MMP17: variants seen among roughly 807,000 people sequenced by gnomAD.
The protein encoded by MMP17 is matrix metallopeptidase 17.
A neutral mutation model predicts 49.1 loss-of-function variants in MMP17; 54 were observed. The ratio of observed to expected loss-of-function variants is 1.10; its 90% CI spans 0.88 to 1.38. MMP17 has a LOEUF of 1.38. Ranked by LOEUF, MMP17 falls within the 40% of genes most tolerant of loss-of-function variation. MMP17 has a pLI of 0.00. For synonymous variants in MMP17, 397 were observed against 383.1 expected, an observed-to-expected ratio of 1.04 and a Z score of -0.42; for missense variants, 837 against 853.7, an observed-to-expected ratio of 0.98 and a Z score of 0.24.
chr12:131,837,779 C>T (rs1307900861), intron 1 of MMP17, among the ~76,000 whole-genome samples: 2 of 152,170 alleles, frequency 1.3e-5, no homozygotes, highest in African/African-American at 4.8e-5. Context: ...GGCACGATCT[C>T]GGCTCACTGC....
chr12:131,842,699 G>C (rs1031610373), intron 5 of MMP17, among the ~76,000 whole-genome samples: 1 of 151,864 alleles, frequency 6.6e-6, no homozygotes, highest in Admixed American at 6.5e-5. Context: ...CTTGAACCCG[G>C]GAGGCAGAGG....
At chr12:131,845,767 A>G (rs571488417) in intron 8 of MMP17, among the ~76,000 whole-genome samples, 3 of 152,240 alleles carry the variant, frequency 2.0e-5, no homozygotes, top group African/African-American at 7.2e-5. Flanking sequence ...AATGAAGGAC[A>G]ATGGGGAGAG....
chr12:131,837,616 G>A (rs559738638), intron 1 of MMP17, among the ~76,000 whole-genome samples: 15 of 152,352 alleles, frequency 9.8e-5, no homozygotes, highest in African/African-American at 3.4e-4. Context: ...AGCATTTTGC[G>A]GTCTCAGGAG....
At chr12:131,831,430 T>A (rs965837199) in intron 1 of MMP17, among the ~76,000 whole-genome samples, 1 of 152,018 alleles carries the variant, frequency 6.6e-6, no homozygotes, top group Non-Finnish European at 1.5e-5. Flanking sequence ...CCGCCCTCCA[T>A]GTCCTGGCTT....
At chr12:131,841,582 G>T in intron 4 of MMP17, 42 bp from the exon 5 acceptor site, 1 of 1,608,928 alleles carries the variant, frequency 6.2e-7, no homozygotes, top group Non-Finnish European at 8.5e-7. Flanking sequence ...CGGGGACAGG[G>T]CCCTTCTTGC....
intron 1 of MMP17, among the ~76,000 whole-genome samples, chr12:131,834,230 TG>T: frequency 6.6e-6 from 1 of 152,220 alleles, no homozygotes; most frequent in South Asian, 2.1e-4. Flanking sequence ...AGCCAGGGGG[TG>T]GCTGCCGTGG....
In MMP17 at chr12:131,840,721, A is replaced by G. The variant is rs1453951180; in HGVS notation, c.571A>G (p.Lys191Glu). 5 of 1,604,758 alleles carry G rather than the reference A, an allele frequency of 3.1e-6. No homozygotes were observed. In the African/African-American group the frequency reaches 5.3e-5, roughly 17 times the overall value. Reference sequence around the variant, plus strand: ...CGCCGACATCCAGATCGACTTCTCCAAGGCCGACCATAACGACGGCTACCC... The same window carrying G: ...CGCCGACATCCAGATCGACTTCTCCGAGGCCGACCATAACGACGGCTACCC... ...SAADIQIDFS[K>E]ADHNDGYPFD... Residue 191 changes from lysine to glutamate, a missense_variant, in exon 4 of 10, where the codon AAG (lysine) becomes GAG (glutamate). Coordinates refer to ENST00000360564, the MANE Select transcript of MMP17 (RefSeq NM_016155.7).
At chr12:131,830,675 C>G (rs1018667052) in intron 1 of MMP17, among the ~76,000 whole-genome samples, 9 of 152,240 alleles carry the variant, frequency 5.9e-5, no homozygotes, top group Non-Finnish European at 1.2e-4. Flanking sequence ...GGTCTGGGCG[C>G]CAGGGACGAG....
At chr12:131,845,486 G>T (rs1400273625) in intron 8 of MMP17, 37 bp downstream of exon 8, 1 of 1,530,978 alleles carries the variant, frequency 6.5e-7, no homozygotes, top group Admixed American at 1.9e-5. Context: ...GGGCTTCCCG[G>T]GCCCTCTGTC....
chr12:131,835,941 G>A lies in MMP17; in HGVS notation c.160-2254G>A, dbSNP rs1593224571. Among the ~76,000 whole-genome samples, 4 of 152,350 alleles carry A rather than the reference G, an allele frequency of 2.6e-5. No individual in the cohort carries two copies. In the South Asian group the frequency reaches 8.3e-4, roughly 32 times the overall value. ...ACCCTGCAGGTGCAAGGTAGTGTGG[G>A]ACCGGATGCTCGGGGCCAAAGATCC... is the stretch of plus-strand genomic sequence containing the variant. On this transcript the variant is annotated intron_variant, in intron 1 of 9. Transcript: ENST00000360564.
intron 1 of MMP17, among the ~76,000 whole-genome samples, chr12:131,829,346 C>A (rs1270989907): frequency 6.6e-6 from 1 of 152,208 alleles, no homozygotes; most frequent in African/African-American, 2.4e-5. Context: ...AGAAACCCTG[C>A]CTGGGGGCAG....
At chr12:131,834,337 C>CCTG (rs1480424542) in intron 1 of MMP17, among the ~76,000 whole-genome samples, 3 of 152,106 alleles carry the variant, frequency 2.0e-5, no homozygotes, top group East Asian at 1.9e-4. Context: ...GAAGGTTCAC[C>CCTG]CTGCTGCTGC....
intron 5 of MMP17, among the ~76,000 whole-genome samples, chr12:131,842,102 G>A (rs780319235): frequency 3.3e-5 from 5 of 152,218 alleles, no homozygotes; most frequent in Non-Finnish European, 5.9e-5. Flanking sequence ...GATCTTTGTG[G>A]CCATATAAGG....
At chr12:131,829,157 G>A (rs898080108) in intron 1 of MMP17, among the ~76,000 whole-genome samples, 1 of 152,234 alleles carries the variant, frequency 6.6e-6, no homozygotes, top group Non-Finnish European at 1.5e-5. Context: ...TGAGGGTGTT[G>A]GGGGCACAGG....
rs533445344 is a variant in MMP17 at position 131,830,779 on chromosome 12, G to T, written c.159+2126G>T. ...GAGGGCCCGCCCCGGAGCGCCCCCC[G>T]TATGCACGTGAACAAGGCCGGGATT... On this transcript the variant is annotated intron_variant, in intron 1 of 9. Coordinates refer to ENST00000360564, the MANE Select transcript of MMP17 (RefSeq NM_016155.7). Among the ~76,000 whole-genome samples the T allele has an allele frequency of 7.5e-3, 1,146 of 152,302 alleles. 14 individuals carry two copies. Among genetic ancestry groups the T allele is most frequent in the African/African-American group, 0.026 (1,082 of 41,576 alleles).
chr12:131,835,988 G>A (rs549768115), intron 1 of MMP17, among the ~76,000 whole-genome samples: 1 of 152,344 alleles, frequency 6.6e-6, no homozygotes, highest in East Asian at 1.9e-4. Flanking sequence ...AGGTCAGGGC[G>A]GAAGTGGGAG....
At chr12:131,841,958 G>A (rs138611775) in intron 5 of MMP17, among the ~76,000 whole-genome samples, 158 bp downstream of exon 5, 91 of 152,282 alleles carry the variant, frequency 6.0e-4, no homozygotes, top group Admixed American at 1.7e-3. Context: ...TGTCCACAGA[G>A]CCCACCCCTG....
intron 1 of MMP17, among the ~76,000 whole-genome samples, chr12:131,829,407 G>T (rs1193905210): frequency 6.6e-6 from 1 of 152,218 alleles, no homozygotes; most frequent in Non-Finnish European, 1.5e-5. Context: ...GCCGGGACTC[G>T]CGTCTCCTGT....
In MMP17 at chr12:131,844,025, G is replaced by A. The variant is rs147967308; in HGVS notation, c.912G>A (p.Ala304=). Residue 304 remains alanine, a synonymous_variant, in exon 6 of 10, where the codon GCG becomes GCA. Transcript: ENST00000360564. ...TGCGGGAGTCTGTGTCTCCCACGGCGCAGCCCGAGGAGCCTCCCCTGCTGC... is the reference window on the plus strand; with the variant it reads ...TGCGGGAGTCTGTGTCTCCCACGGCACAGCCCGAGGAGCCTCCCCTGCTGC... ...YGVRESVSPT[A]QPEEPPLLPE... is the part of the protein sequence containing the mutation. 1.3e-4 allele frequency: 204 copies of A among 1,568,492 alleles called. No individual in the cohort carries two copies. The African/African-American group carries it at 2.2e-3, about 17-fold the overall frequency.
Sources: gnomAD v4.1 joint callset for allele counts (sites outside exome capture counted in the v4.1 genomes callset) on GRCh38, gnomAD v4.1.1 for gene constraint, MANE v1.5 for transcripts, NCBI Gene and HGNC (gene_info 2026-07-23, HGNC 2026-07-21) for gene names.